KCNJ6: variants seen among roughly 807,000 people sequenced by gnomAD.
KCNJ6 encodes G protein-activated inward rectifier potassium channel 2.
In KCNJ6, 9 loss-of-function variants were observed where a neutral mutation model predicts 34.2. The ratio of observed to expected loss-of-function variants is 0.26; its 90% CI spans 0.16 to 0.46. The LOEUF is 0.46. Ranked by LOEUF, KCNJ6 falls within the 20% of genes least tolerant of loss-of-function variation. The pLI, the probability that KCNJ6 is intolerant of heterozygous loss-of-function variation, is 1.00. For missense variants in KCNJ6, 236 were observed against 531.3 expected, an observed-to-expected ratio of 0.44 and a Z score of 5.46; for synonymous variants, 196 against 207.1, an observed-to-expected ratio of 0.95 and a Z score of 0.46.
intron 2 of KCNJ6, among the ~76,000 whole-genome samples, chr21:37,746,570 C>T (rs893870575): frequency 2.6e-5 from 4 of 152,164 alleles, no homozygotes; most frequent in African/African-American, 9.7e-5. Context: ...AGTTCCATAA[C>T]TTGCCTAGGG....
chr21:37,877,005 T>G (rs2123618712), intron 1 of KCNJ6, among the ~76,000 whole-genome samples: 1 of 152,312 alleles, frequency 6.6e-6, no homozygotes, highest in South Asian at 2.1e-4. Context: ...CTTAACATTT[T>G]TATTACTATG....
intron 2 of KCNJ6, among the ~76,000 whole-genome samples, chr21:37,758,529 GACCATTC>G (rs1489586685): frequency 1.3e-5 from 2 of 152,108 alleles, no homozygotes; most frequent in African/African-American, 4.8e-5. Flanking sequence ...CAAGATTATC[GACCATTC>G]ACAGGATTCC....
chr21:37,607,482 A>ATATATATATATTTTTTT lies in KCNJ6; in HGVS notation c.*17676_*17677insAAAAAAATATATATATA. 235 of 136,720 alleles carry ATATATATATATTTTTTT rather than the reference A, an allele frequency of 1.7e-3. 1 individual carries two copies. The highest frequency in any genetic ancestry group is 2.4e-3 in the South Asian group (10 of 4,154). The allele number at this position is 136,720 out of a possible 1,614,324, so 8.5% of individuals were successfully genotyped here. On this transcript the variant is annotated 3_prime_UTR_variant, in exon 4 of 4. Transcript: ENST00000609713. ...CTTAAAGATATATATATATATATAT[A>ATATATATATATTTTTTT]TTTTTTTTTTATTTTAAAAAAATTT...
chr21:37,723,029 A>G (rs1266367220), intron 2 of KCNJ6, among the ~76,000 whole-genome samples: 1 of 152,178 alleles, frequency 6.6e-6, no homozygotes, highest in Non-Finnish European at 1.5e-5. Context: ...ATATTGGCAA[A>G]CTGCATCTGA....
chr21:37,651,189 A>C (rs2054431498), intron 3 of KCNJ6, among the ~76,000 whole-genome samples: 1 of 152,188 alleles, frequency 6.6e-6, no homozygotes, highest in Non-Finnish European at 1.5e-5. Flanking sequence ...GTCACACTAC[A>C]GGGGGGTGGA....
At chr21:37,633,797 G>A (rs2054344441) in intron 3 of KCNJ6, among the ~76,000 whole-genome samples, 2 of 152,050 alleles carry the variant, frequency 1.3e-5, no homozygotes. Flanking sequence ...TTGGGAGACA[G>A]TAAGGAAGAT....
intron 2 of KCNJ6, among the ~76,000 whole-genome samples, chr21:37,751,624 C>T (rs933771716): frequency 1.3e-5 from 2 of 152,186 alleles, no homozygotes; most frequent in Admixed American, 1.3e-4. Context: ...AGGGTGAGTT[C>T]CCCCTCTAAA....
intron 1 of KCNJ6, among the ~76,000 whole-genome samples, chr21:37,862,111 C>T (rs529065177): frequency 6.6e-6 from 1 of 152,342 alleles, no homozygotes; most frequent in East Asian, 1.9e-4. Context: ...AGTTTCCAAT[C>T]TTACATAAGG....
At chr21:37,879,759 CAGAG>C (rs1300888849) in intron 1 of KCNJ6, among the ~76,000 whole-genome samples, 13 of 111,696 alleles carry the variant, frequency 1.2e-4, no homozygotes, top group Middle Eastern at 5.0e-3. Flanking sequence ...GTGTGTGTGA[CAGAG>C]AGAGAGAGAG....
At chr21:37,697,203 G>T (rs796154184) in intron 3 of KCNJ6, among the ~76,000 whole-genome samples, 3 of 152,312 alleles carry the variant, frequency 2.0e-5, no homozygotes, top group African/African-American at 7.2e-5. Flanking sequence ...ATTGACATGG[G>T]GGAAGTAGGA....
At position 37,790,731 on chromosome 21, in the gene KCNJ6, T is replaced by C. The variant is rs181233872; in HGVS notation, c.25+49927A>G. 2.3e-3 allele frequency among the ~76,000 whole-genome samples: 343 copies of C among 152,172 alleles called. 3 individuals are homozygous for C. Among genetic ancestry groups the C allele is most frequent in the African/African-American group, 7.7e-3 (320 of 41,494 alleles). ...CTATAGTCTCTGCAAAATGCAAGAG[T>C]GATATCTTGCCAGAGAATGTCTTCA... On this transcript the variant is annotated intron_variant, in intron 2 of 3. Coordinates refer to ENST00000609713, the MANE Select transcript of KCNJ6 (RefSeq NM_002240.5).
At chr21:37,712,200 G>A (rs1365118017) in intron 3 of KCNJ6, among the ~76,000 whole-genome samples, 3 of 152,174 alleles carry the variant, frequency 2.0e-5, no homozygotes, top group Admixed American at 6.5e-5. Flanking sequence ...CAGAGGGTAC[G>A]TCTCCAGTGG....
At chr21:37,651,648 T>C (rs2054434239) in intron 3 of KCNJ6, among the ~76,000 whole-genome samples, 1 of 152,186 alleles carries the variant, frequency 6.6e-6, no homozygotes, top group Admixed American at 6.5e-5. Context: ...TCCCTTGATG[T>C]CATCTAGGTT....
intron 1 of KCNJ6, among the ~76,000 whole-genome samples, chr21:37,877,843 G>A (rs1173620947): frequency 6.6e-6 from 1 of 152,236 alleles, no homozygotes; most frequent in Non-Finnish European, 1.5e-5. Flanking sequence ...ACAAAAGTGG[G>A]TGTATATTGT....
rs76660435 is a variant in KCNJ6 at position 37,679,078 on chromosome 21, C to T, written c.946+35133G>A. 8.5e-3 allele frequency among the ~76,000 whole-genome samples: 1,287 copies of T among 152,282 alleles called. 13 individuals carry two copies. Among genetic ancestry groups the T allele is most frequent in the Non-Finnish European group, 0.014 (937 of 68,010 alleles). ...AAAATTAGCTATCATGTTGTGAGGA[C>T]ACCAAGCAACTTATAGAGATGTCCA... is the stretch of plus-strand genomic sequence containing the variant. On this transcript the variant is annotated intron_variant, in intron 3 of 3. Transcript: ENST00000609713.
intron 2 of KCNJ6, among the ~76,000 whole-genome samples, chr21:37,784,440 T>C (rs2123515640): frequency 6.6e-6 from 1 of 152,278 alleles, no homozygotes; most frequent in African/African-American, 2.4e-5. Flanking sequence ...GAGCAGTGGG[T>C]TGTACATTGT....
intron 2 of KCNJ6, among the ~76,000 whole-genome samples, chr21:37,750,716 T>A (rs550190293): frequency 1.3e-5 from 2 of 150,224 alleles, no homozygotes; most frequent in Non-Finnish European, 3.0e-5. Context: ...AACATCACAC[T>A]CCAGGGCCTG....
chr21:37,743,660 G>T (rs1352649363), intron 2 of KCNJ6, among the ~76,000 whole-genome samples: 1 of 151,978 alleles, frequency 6.6e-6, no homozygotes, highest in Non-Finnish European at 1.5e-5. Flanking sequence ...GCCCTCTCCA[G>T]ATGCTAGCCC....
intron 2 of KCNJ6, among the ~76,000 whole-genome samples, chr21:37,779,933 T>A (rs1415139662): frequency 6.6e-6 from 1 of 152,192 alleles, no homozygotes; most frequent in Non-Finnish European, 1.5e-5. Flanking sequence ...AACCAAGATG[T>A]GGAGACTTTC....
Sources: gnomAD v4.1 joint callset for allele counts (sites outside exome capture counted in the v4.1 genomes callset) on GRCh38, gnomAD v4.1.1 for gene constraint, MANE v1.5 for transcripts, NCBI Gene and HGNC (gene_info 2026-07-23, HGNC 2026-07-21) for gene names.